The following EDARADD variants were observed in gnomAD, a reference collection of about 807,000 sequenced individuals.
EDARADD encodes ectodysplasin-A receptor-associated adapter protein.
A neutral mutation model predicts 25.6 loss-of-function variants in EDARADD; 20 were observed. The ratio of observed to expected loss-of-function variants is 0.78; its 90% confidence interval spans 0.55 to 1.14. The LOEUF is 1.14. Ranked by LOEUF, EDARADD falls within the 50% of genes most tolerant of loss-of-function variation. EDARADD has a pLI of 0.00. For missense variants in EDARADD, 225 were observed against 270.1 expected, an observed-to-expected ratio of 0.83 and a Z score of 1.17; for synonymous variants, 86 against 94.4, an observed-to-expected ratio of 0.91 and a Z score of 0.52.
At chr1:236,405,874 C>CTTCTTTCTTTCTTTCTTTCTTTCT (rs869205931) in intron 1 of EDARADD, among the ~76,000 whole-genome samples, 18 of 30,908 alleles carry the variant, frequency 5.8e-4, no homozygotes, top group East Asian at 3.4e-3. Context: ...TCCTTCCTTC[C>CTTCTTTCTTTCTTTCTTTCTTTCT]TTCTTTCTTT....
At chr1:236,355,058 GT>G (rs1269366518) in intron 3 of EDARADD, among the ~76,000 whole-genome samples, 1 of 152,100 alleles carries the variant, frequency 6.6e-6, no homozygotes, top group Non-Finnish European at 1.5e-5. Context: ...TCTCTTCCTG[GT>G]TTGCAAACCG....
intron 5 of EDARADD, among the ~76,000 whole-genome samples, chr1:236,481,839 C>T (rs1331069596): frequency 6.8e-6 from 1 of 147,738 alleles, no homozygotes; most frequent in African/African-American, 2.5e-5. Flanking sequence ...TGAGGCCAGG[C>T]ACGGTGGCTC....
At chr1:236,465,002 C>G (rs1659149591) in intron 4 of EDARADD, among the ~76,000 whole-genome samples, 1 of 152,146 alleles carries the variant, frequency 6.6e-6, no homozygotes. Context: ...TGTGTGTGAG[C>G]CTGCCCTTGT....
At position 236,450,101 on chromosome 1, in the gene EDARADD, C is replaced by CA. The variant is rs10707989; in HGVS notation, c.220-18116dup. Among the ~76,000 whole-genome samples the CA allele has an allele frequency of 2.0e-4, 28 of 141,012 alleles. 2 individuals are homozygous for CA. Among genetic ancestry groups the CA allele is most frequent in the African/African-American group, 6.6e-4 (25 of 37,970 alleles). 92.5% of individuals were successfully genotyped at this position (141,012 alleles called of 152,430 possible). ...GGGTGACAGAACGAGACTCTGTCTC[C>CA]AAAAAAAAAAAAAAGTAATAGGCTT... On this transcript the variant is annotated intron_variant, in intron 4 of 5. Coordinates refer to ENST00000334232, the MANE Select transcript of EDARADD (RefSeq NM_145861.4).
At chr1:236,417,163 A>G (rs1657659532) in intron 3 of EDARADD, among the ~76,000 whole-genome samples, 1 of 152,224 alleles carries the variant, frequency 6.6e-6, no homozygotes, top group Non-Finnish European at 1.5e-5. Context: ...TTTCAGGGAA[A>G]GAAAAATCCA....
chr1:236,417,984 C>T (rs1489855233), intron 3 of EDARADD, among the ~76,000 whole-genome samples: 5 of 134,738 alleles, frequency 3.7e-5, no homozygotes, highest in South Asian at 2.3e-4. Context: ...GACGGATTCT[C>T]GCTCTGTCGC....
chr1:236,481,778 C>CAAAAAA (rs36104533), intron 5 of EDARADD, among the ~76,000 whole-genome samples: 8 of 93,300 alleles, frequency 8.6e-5, no homozygotes, highest in African/African-American at 3.6e-4. Flanking sequence ...CACCCTGTAT[C>CAAAAAA]AAAAAAAAAA....
chr1:236,415,037 C>T (rs985720209), intron 3 of EDARADD, among the ~76,000 whole-genome samples: 5 of 152,126 alleles, frequency 3.3e-5, no homozygotes, highest in African/African-American at 1.2e-4. Context: ...AAGATGATTA[C>T]TAGCGCCTCT....
At chr1:236,371,405 T>C (rs625333) in intron 3 of EDARADD, among the ~76,000 whole-genome samples, 44,700 of 151,826 alleles carry the variant, frequency 0.29, 6,926 homozygotes, top group African/African-American at 0.39. Context: ...CCTTCCCAAT[T>C]AATATATTTT....
Position 236,395,473 on chromosome 1 carries a change from A to G in EDARADD, c.61+968A>G. On this transcript the variant is annotated intron_variant, in intron 1 of 5. Coordinates refer to ENST00000334232, the MANE Select transcript of EDARADD (RefSeq NM_145861.4). The surrounding 1 kb of genome is among the most constrained non-coding windows in gnomAD (Gnocchi z 6.9). ...AAGCGAAGGAGGAGAAGAAGAAGGG[A>G]GGGGAAGGCGGAGGAGGGCAGGGGC... 2 of 1,502,238 alleles carry G rather than the reference A, an allele frequency of 1.3e-6. No individual in the cohort carries two copies. The highest frequency in any genetic ancestry group is 2.1e-5 in the Admixed American group (1 of 47,976). 93.1% of individuals were successfully genotyped at this position (1,502,238 alleles called of 1,614,324 possible).
intron 3 of EDARADD, among the ~76,000 whole-genome samples, chr1:236,380,202 A>G (rs566818422): frequency 2.6e-5 from 4 of 152,374 alleles, no homozygotes; most frequent in African/African-American, 9.6e-5. Flanking sequence ...GAAAAGGATT[A>G]AAATAGTGTG....
chr1:236,366,594 A>C (rs1415156497), intron 3 of EDARADD, among the ~76,000 whole-genome samples: 1 of 152,112 alleles, frequency 6.6e-6, no homozygotes, highest in African/African-American at 2.4e-5. Flanking sequence ...TGACCTATGA[A>C]CACTAACTGC....
rs758607876 is a variant in EDARADD at position 236,482,398 on chromosome 1, CACCCA to C, written c.400_404del (p.Pro134GlyfsTer16). 3.1e-6 allele frequency: 5 copies of C among 1,614,084 alleles called. No individual in the cohort carries two copies. Among genetic ancestry groups the C allele is most frequent in the Admixed American group, 1.7e-5 (1 of 60,002 alleles). On this transcript the variant is annotated frameshift_variant, in exon 6 of 6. Coordinates refer to ENST00000334232, the MANE Select transcript of EDARADD (RefSeq NM_145861.4). LOFTEE classifies it high-confidence loss of function. ...GATCAGGATAAAGCTGGATCCGTGTCACCCAACGGTGAAAAACTGGAGGAATTTTG... is the reference window on the plus strand; with the variant it reads ...GATCAGGATAAAGCTGGATCCGTGTCACGGTGAAAAACTGGAGGAATTTTG...
intron 4 of EDARADD, among the ~76,000 whole-genome samples, chr1:236,433,600 C>T (rs550270685): frequency 1.1e-4 from 16 of 151,870 alleles, no homozygotes; most frequent in African/African-American, 3.4e-4. Context: ...CGTGAGTCAC[C>T]GCATCCAGCC....
chr1:236,434,232 T>C (rs1658182025), intron 4 of EDARADD, among the ~76,000 whole-genome samples: 1 of 151,328 alleles, frequency 6.6e-6, no homozygotes, highest in Non-Finnish European at 1.5e-5. Context: ...TAAAACATTA[T>C]GAATTTTTTT....
At chr1:236,467,718 C>T (rs971902460) in intron 4 of EDARADD, among the ~76,000 whole-genome samples, 2 of 151,390 alleles carry the variant, frequency 1.3e-5, no homozygotes, top group Non-Finnish European at 2.9e-5. Flanking sequence ...GGAAGATAAC[C>T]CATAATGTAA....
rs751843024 is a variant in EDARADD, at chr1:236,405,773, C to CTT, written c.62-3441_62-3440dup. 8.7e-3 allele frequency among the ~76,000 whole-genome samples: 576 copies of CTT among 66,008 alleles called. 12 individuals are homozygous for CTT. Among genetic ancestry groups the CTT allele is most frequent in the Middle Eastern group, 0.027 (3 of 110 alleles). The allele number at this position is 66,008 out of a possible 152,430, so 43.3% of individuals were successfully genotyped here. ...TCTTTCTTTCTTTCTTTCTTTCTTTCTTTCTTTCTTTCTTTCTTTTCTTTT... is the reference window on the plus strand; with the variant it reads ...TCTTTCTTTCTTTCTTTCTTTCTTTCTTTTTCTTTCTTTCTTTCTTTTCTTTT... On this transcript the variant is annotated intron_variant, in intron 1 of 5. Transcript: ENST00000334232.
chr1:236,438,497 A>G (rs954678873), intron 4 of EDARADD, among the ~76,000 whole-genome samples: 1 of 152,134 alleles, frequency 6.6e-6, no homozygotes, highest in Admixed American at 6.6e-5. Flanking sequence ...TTGAAAATAG[A>G]AAAACCACTT....
At chr1:236,378,658 T>A (rs1300626725) in intron 3 of EDARADD, among the ~76,000 whole-genome samples, 1 of 152,174 alleles carries the variant, frequency 6.6e-6, no homozygotes, top group Non-Finnish European at 1.5e-5. Flanking sequence ...TTTTAAGTAT[T>A]TGAGAGCAAA....
Sources: gnomAD v4.1 joint callset for allele counts (sites outside exome capture counted in the v4.1 genomes callset) on GRCh38, gnomAD v4.1.1 for gene constraint, Gnocchi (gnomAD v3.1) non-coding constraint, MANE v1.5 for transcripts, NCBI Gene and HGNC (gene_info 2026-07-23, HGNC 2026-07-21) for gene names.